Variants in LRMDA observed in about 807,000 individuals in gnomAD.
LRMDA encodes leucine-rich melanocyte differentiation-associated protein.
LRMDA carries 18 observed loss-of-function variants against 29.8 expected under a neutral mutation model. The observed-to-expected ratio is 0.60, with a 90% confidence interval of 0.42 to 0.90. The LOEUF (loss-of-function observed/expected upper bound fraction) is 0.90. Ranked by LOEUF, LRMDA falls within the 40% of genes least tolerant of loss-of-function variation. The pLI, the probability that LRMDA is intolerant of heterozygous loss-of-function variation, is 0.00. For missense variants in LRMDA, 273 were observed against 273.9 expected (o/e 1.00, Z 0.02); for synonymous variants, 125 against 109.4 (o/e 1.14, Z -0.89).
At chr10:75,632,362 A>T (rs1040296344) in intron 2 of LRMDA, among the ~76,000 whole-genome samples, 2 of 152,202 alleles carry the variant, frequency 1.3e-5, no homozygotes, top group Non-Finnish European at 2.9e-5. Context: ...GCAGACGAGG[A>T]TGTCTCATCA....
intron 2 of LRMDA, among the ~76,000 whole-genome samples, chr10:75,612,596 A>C (rs2132100265): frequency 6.7e-6 from 1 of 150,208 alleles, no homozygotes; most frequent in African/African-American, 2.4e-5. Context: ...TTTTGTTCTG[A>C]TTTCCAAAGA....
intron 2 of LRMDA, among the ~76,000 whole-genome samples, chr10:75,507,792 T>C (rs1039344135): frequency 6.6e-6 from 1 of 152,174 alleles, no homozygotes; most frequent in Admixed American, 6.5e-5. Context: ...TGGAAATGTG[T>C]TTCTTTTATA....
intron 6 of LRMDA, among the ~76,000 whole-genome samples, chr10:76,502,395 A>G (rs1342538830): frequency 6.6e-6 from 1 of 152,078 alleles, no homozygotes; most frequent in Admixed American, 6.6e-5. Flanking sequence ...AATTCTGTGA[A>G]GAATGACATT....
chr10:75,612,234 A>G (rs935414085), intron 2 of LRMDA, among the ~76,000 whole-genome samples: 1 of 152,220 alleles, frequency 6.6e-6, no homozygotes, highest in Non-Finnish European at 1.5e-5. Flanking sequence ...TAGTTGAAAT[A>G]TTTAGCAAAC....
At chr10:75,682,181 G>A (rs541547939) in intron 2 of LRMDA, among the ~76,000 whole-genome samples, 2 of 152,290 alleles carry the variant, frequency 1.3e-5, no homozygotes, top group African/African-American at 2.4e-5. Flanking sequence ...AACATTCCAC[G>A]CAGCAGAAAA....
At chr10:76,475,795 G>A (rs1325546842) in intron 6 of LRMDA, among the ~76,000 whole-genome samples, 1 of 152,092 alleles carries the variant, frequency 6.6e-6, no homozygotes, top group African/African-American at 2.4e-5. Flanking sequence ...GCTCCTGAAT[G>A]ACTACTTGGT....
At chr10:75,942,047 G>A (rs891363493) in intron 2 of LRMDA, among the ~76,000 whole-genome samples, 1 of 152,142 alleles carries the variant, frequency 6.6e-6, no homozygotes, top group Admixed American at 6.5e-5. Context: ...GCTTGGGCAG[G>A]TTCTCATTTC....
chr10:75,816,564 TGA>T (rs1844064121), intron 2 of LRMDA, among the ~76,000 whole-genome samples: 1 of 152,224 alleles, frequency 6.6e-6, no homozygotes, highest in East Asian at 1.9e-4. Flanking sequence ...TGGCATAGTC[TGA>T]GAGGCTCAAG....
chr10:76,527,400 A>G (rs1218625359), intron 6 of LRMDA, among the ~76,000 whole-genome samples: 1 of 152,168 alleles, frequency 6.6e-6, no homozygotes, highest in Non-Finnish European at 1.5e-5. Context: ...GTGTAATCTC[A>G]TGCAAATTAC....
chr10:76,263,232 T>C (rs1356215945), intron 5 of LRMDA, among the ~76,000 whole-genome samples: 1 of 152,152 alleles, frequency 6.6e-6, no homozygotes, highest in Admixed American at 6.5e-5. Flanking sequence ...TCAATATGCT[T>C]TATTATAATC....
intron 5 of LRMDA, among the ~76,000 whole-genome samples, chr10:76,060,907 C>T (rs1247271421): frequency 6.6e-6 from 1 of 152,156 alleles, no homozygotes; most frequent in Non-Finnish European, 1.5e-5. Context: ...CTGTATTAAG[C>T]TTTAAAAAGC....
intron 6 of LRMDA, among the ~76,000 whole-genome samples, chr10:76,440,615 T>C (rs1842292306): frequency 6.6e-6 from 1 of 152,100 alleles, no homozygotes. Flanking sequence ...ACTCTAGCAT[T>C]CCATTTGACC....
intron 2 of LRMDA, among the ~76,000 whole-genome samples, chr10:75,458,865 G>T (rs1051057491): frequency 2.6e-5 from 4 of 152,134 alleles, no homozygotes; most frequent in African/African-American, 9.7e-5. Context: ...CTTGCAAGGA[G>T]CAAGCGGCTA....
chr10:75,844,497 G>A lies in LRMDA; in HGVS notation c.132-191511G>A, dbSNP rs369764509. ...AATAGAGGTTCTGAGATTCCAGCAG[G>A]CTGGATGTGTCTCTTTTACCCGGGC... is the stretch of plus-strand genomic sequence containing the variant. On this transcript the variant is annotated intron_variant, in intron 2 of 6. Transcript: ENST00000611255. 2.6e-5 allele frequency among the ~76,000 whole-genome samples: 4 copies of A among 152,278 alleles called. No homozygotes were observed. In the East Asian group the frequency reaches 5.8e-4, roughly 22 times the overall value.
At chr10:75,839,591 A>G (rs1467167924) in intron 2 of LRMDA, among the ~76,000 whole-genome samples, 1 of 142,322 alleles carries the variant, frequency 7.0e-6, no homozygotes, top group East Asian at 2.0e-4. Flanking sequence ...CTGCCTCATC[A>G]CTCTGTTTGC....
intron 2 of LRMDA, among the ~76,000 whole-genome samples, chr10:75,926,118 G>A (rs1846116209): frequency 6.6e-6 from 1 of 152,166 alleles, no homozygotes; most frequent in Non-Finnish European, 1.5e-5. Flanking sequence ...AGGCATGTGG[G>A]GAACCCTGAA....
Position 76,289,006 on chromosome 10 carries a change from A to C in LRMDA, c.517-35395A>C, listed in dbSNP as rs78853836. Among the ~76,000 whole-genome samples, 265 of 152,368 alleles carry C rather than the reference A, an allele frequency of 1.7e-3. 2 individuals are homozygous for C. The highest frequency in any genetic ancestry group is 0.012 in the Admixed American group (186 of 15,294). ...AAAAGATATTTAATATGTTCATTCC[A>C]CAAGGGTTTATTCAATAATTTAATG... On this transcript the variant is annotated intron_variant, in intron 5 of 6. Coordinates refer to ENST00000611255, the MANE Select transcript of LRMDA (RefSeq NM_001305581.2).
intron 2 of LRMDA, among the ~76,000 whole-genome samples, chr10:75,523,988 CT>C (rs1013697731): frequency 3.2e-4 from 48 of 152,274 alleles, no homozygotes; most frequent in African/African-American, 1.1e-3. Context: ...TCACTCCGAG[CT>C]TTGGTTTTCT....
At chr10:76,522,860 T>C (rs908543579) in intron 6 of LRMDA, among the ~76,000 whole-genome samples, 5 of 152,118 alleles carry the variant, frequency 3.3e-5, no homozygotes, top group African/African-American at 9.7e-5. Flanking sequence ...TATCCTTAGT[T>C]GTAAGCCGCC....
Sources: gnomAD v4.1 joint callset for allele counts (sites outside exome capture counted in the v4.1 genomes callset) on GRCh38, gnomAD v4.1.1 for gene constraint, MANE v1.5 for transcripts, NCBI Gene and HGNC (gene_info 2026-07-23, HGNC 2026-07-21) for gene names.